Variants in EPHA6 observed in about 807,000 individuals in gnomAD.
The protein encoded by EPHA6 is ephrin type-A receptor 6.
Under a neutral mutation model 112.0 loss-of-function variants are expected in EPHA6, and 50 were observed. That is an observed-to-expected ratio of 0.45 (90% CI 0.36 to 0.56). The LOEUF (loss-of-function observed/expected upper bound fraction) is 0.56. Among genes scored for constraint, EPHA6 ranks in the 20% least tolerant of loss-of-function variants. EPHA6 has a pLI of 0.00. For synonymous variants in EPHA6, 529 were observed against 490.7 expected (o/e 1.08, Z -1.03); for missense variants, 1,280 against 1,417.4 (o/e 0.90, Z 1.56).
chr3:97,544,127 T>C (rs2092909754), intron 11 of EPHA6, among the ~76,000 whole-genome samples: 1 of 152,150 alleles, frequency 6.6e-6, no homozygotes, highest in Non-Finnish European at 1.5e-5. Flanking sequence ...TCCAACACTA[T>C]ATTGAATAGG....
rs906254570 is a variant in EPHA6 at position 97,685,687 on chromosome 3, A to G, written c.2785-34574A>G. Reference sequence around the variant, plus strand: ...TATTTTGTCGACCAACACAAGTCACATGGCCATGCCTAACTTCAAAGTAGT... The same window carrying G: ...TATTTTGTCGACCAACACAAGTCACGTGGCCATGCCTAACTTCAAAGTAGT... On this transcript the variant is annotated intron_variant, in intron 14 of 17. Transcript: ENST00000389672. Among the ~76,000 whole-genome samples the G allele has an allele frequency of 4.6e-5, 7 of 152,312 alleles. No individual in the cohort carries two copies. The East Asian group carries it at 9.6e-4, about 21-fold the overall frequency.
intron 3 of EPHA6, among the ~76,000 whole-genome samples, chr3:97,001,284 TA>T (rs537921538): frequency 1.3e-3 from 196 of 152,024 alleles, no homozygotes; most frequent in Non-Finnish European, 1.2e-3. Flanking sequence ...GTATTTTACA[TA>T]AATACATTCA....
Position 97,647,548 on chromosome 3 carries a change from C to T in EPHA6, c.2784+9466C>T, listed in dbSNP as rs1407232138. 3.9e-5 allele frequency among the ~76,000 whole-genome samples: 6 copies of T among 152,028 alleles called. No individual in the cohort carries two copies. The South Asian group carries it at 6.2e-4, about 16-fold the overall frequency. ...AGAACTGAGGCCTTGTTTTTACATGCCAATTCTATGATGAGATTACAAAGC... is the reference window on the plus strand; with the variant it reads ...AGAACTGAGGCCTTGTTTTTACATGTCAATTCTATGATGAGATTACAAAGC... On this transcript the variant is annotated intron_variant, in intron 14 of 17. Coordinates refer to ENST00000389672, the MANE Select transcript of EPHA6 (RefSeq NM_001080448.3).
chr3:97,656,554 C>T (rs1290714776), intron 14 of EPHA6, among the ~76,000 whole-genome samples: 3 of 151,800 alleles, frequency 2.0e-5, no homozygotes, highest in African/African-American at 7.2e-5. Context: ...AAAATGTATC[C>T]ATATCCTTAT....
chr3:97,726,497 C>T (rs1001824780), intron 15 of EPHA6, among the ~76,000 whole-genome samples: 8 of 151,798 alleles, frequency 5.3e-5, no homozygotes, highest in Non-Finnish European at 5.9e-5. Context: ...TGTACCATAC[C>T]GTTACTATAT....
chr3:97,245,740 G>T (rs555878335), intron 5 of EPHA6, among the ~76,000 whole-genome samples: 1 of 151,920 alleles, frequency 6.6e-6, no homozygotes, highest in African/African-American at 2.4e-5. Flanking sequence ...GTGTGGCTAT[G>T]AAGTGGTAGG....
intron 2 of EPHA6, among the ~76,000 whole-genome samples, chr3:96,892,752 G>A (rs2038037690): frequency 6.6e-6 from 1 of 151,708 alleles, no homozygotes. Context: ...ATTCTCTCAT[G>A]GGATGAGATA....
intron 5 of EPHA6, among the ~76,000 whole-genome samples, chr3:97,308,556 A>C (rs185262921): frequency 3.9e-4 from 59 of 151,792 alleles, no homozygotes; most frequent in African/African-American, 1.3e-3. Context: ...TTATCCCTCT[A>C]TTAACTCCTA....
At chr3:97,075,830 T>C (rs573662676) in intron 3 of EPHA6, among the ~76,000 whole-genome samples, 1 of 152,048 alleles carries the variant, frequency 6.6e-6, no homozygotes, top group Admixed American at 6.6e-5. Flanking sequence ...ATTTTATTAT[T>C]ATTGTATCTG....
intron 6 of EPHA6, among the ~76,000 whole-genome samples, chr3:97,419,365 T>G (rs2088416849): frequency 6.6e-6 from 1 of 152,092 alleles, no homozygotes; most frequent in African/African-American, 2.4e-5. Flanking sequence ...GGCTTACGTC[T>G]GTAATCCCAG....
chr3:97,167,479 T>C (rs927545943), intron 3 of EPHA6, among the ~76,000 whole-genome samples: 6 of 152,264 alleles, frequency 3.9e-5, no homozygotes, highest in African/African-American at 1.4e-4. Context: ...CTCTACTGTA[T>C]GTTTAGGTGT....
intron 6 of EPHA6, among the ~76,000 whole-genome samples, chr3:97,425,213 G>A (rs569769742): frequency 6.6e-6 from 1 of 152,306 alleles, no homozygotes; most frequent in East Asian, 1.9e-4. Context: ...CCACTAGGCA[G>A]TACCCCACTG....
chr3:97,341,308 C>T (rs1379652190), intron 5 of EPHA6, among the ~76,000 whole-genome samples: 1 of 151,408 alleles, frequency 6.6e-6, no homozygotes, highest in Non-Finnish European at 1.5e-5. Context: ...AGAGCTGACT[C>T]AACAGCTGGA....
intron 3 of EPHA6, among the ~76,000 whole-genome samples, chr3:97,118,292 T>C (rs1487052255): frequency 2.6e-5 from 4 of 151,826 alleles, no homozygotes; most frequent in African/African-American, 9.7e-5. Context: ...TTTGTCTTTT[T>C]TTTTTCATAC....
intron 10 of EPHA6, among the ~76,000 whole-genome samples, chr3:97,486,560 A>AAGG (rs1191198931): frequency 6.6e-6 from 1 of 152,162 alleles, no homozygotes; most frequent in Non-Finnish European, 1.5e-5. Context: ...AACATGGTGG[A>AAGG]AGGCATCACA....
intron 1 of EPHA6, among the ~76,000 whole-genome samples, chr3:96,828,145 CAAAAAGA>C (rs1325191033): frequency 6.6e-6 from 1 of 151,648 alleles, no homozygotes; most frequent in African/African-American, 2.4e-5. Context: ...CCCATCCCTG[CAAAAAGA>C]AAAAAGAAAA....
At chr3:97,566,913 A>G (rs931960140) in intron 11 of EPHA6, among the ~76,000 whole-genome samples, 5 of 152,202 alleles carry the variant, frequency 3.3e-5, no homozygotes, top group African/African-American at 1.2e-4. Flanking sequence ...TTGGCCTGGC[A>G]TGTCATAGGT....
At chr3:97,313,251 C>A (rs1173677527) in intron 5 of EPHA6, among the ~76,000 whole-genome samples, 1 of 151,440 alleles carries the variant, frequency 6.6e-6, no homozygotes, top group Non-Finnish European at 1.5e-5. Context: ...ATATAGTATT[C>A]CATTGTATAT....
chr3:96,913,809 A>C lies in EPHA6; in HGVS notation c.450+46920A>C, dbSNP rs954146730. On this transcript the variant is annotated intron_variant, in intron 2 of 17. Transcript: ENST00000389672. Reference sequence around the variant, plus strand: ...AATAATTTAGCTAAAGATAACAAAAAAATCACTATTGATTTTAACCTCTTT... The same window carrying C: ...AATAATTTAGCTAAAGATAACAAAACAATCACTATTGATTTTAACCTCTTT... Among the ~76,000 whole-genome samples the C allele has an allele frequency of 8.5e-4, 129 of 152,176 alleles. 1 individual carries two copies. Among genetic ancestry groups the C allele is most frequent in the Non-Finnish European group, 8.1e-4 (55 of 68,010 alleles).
Sources: gnomAD v4.1 joint callset for allele counts (sites outside exome capture counted in the v4.1 genomes callset) on GRCh38, gnomAD v4.1.1 for gene constraint, MANE v1.5 for transcripts, NCBI Gene and HGNC (gene_info 2026-07-23, HGNC 2026-07-21) for gene names.